Variants in LMX1B observed in about 807,000 individuals in gnomAD.
LMX1B encodes the protein LIM homeobox transcription factor 1 beta, also known as LIM homeobox transcription factor 1-beta.
Under a neutral mutation model 51.4 loss-of-function variants are expected in LMX1B, and 12 were observed. The observed-to-expected ratio is 0.23, with a 90% confidence interval of 0.15 to 0.38. The LOEUF is 0.38. LMX1B is among the 10% of genes least tolerant of loss of function. The pLI is 1.00. For synonymous variants in LMX1B, 237 were observed against 235.4 expected (o/e 1.01, Z -0.06); for missense variants, 445 against 571.1 (o/e 0.78, Z 2.25).
In LMX1B at chr9:126,693,763, G is replaced by A; in HGVS notation, c.837G>A (p.Arg279=). 6.5e-7 allele frequency: 1 copy of A among 1,535,240 alleles called. No individual in the cohort carries two copies. Among genetic ancestry groups the A allele is most frequent in the South Asian group, 1.2e-5 (1 of 84,554 alleles). ...NQRAKMKKLA[R]RHQQQQEQQN... ...CCCTGCAGATGAAGAAGCTGGCGCG[G>A]CGGCACCAGCAGCAGCAGGAGCAGC... Residue 279 remains arginine (R), a synonymous_variant, in exon 6 of 8, where the codon CGG becomes CGA. Transcript: ENST00000373474.
In LMX1B at chr9:126,696,699, T is replaced by G; in HGVS notation, c.*248T>G. The G allele has an allele frequency of 5.4e-6, 3 of 560,130 alleles. No individual in the cohort carries two copies. Among genetic ancestry groups the G allele is most frequent in the Non-Finnish European group, 9.5e-6 (3 of 314,162 alleles). 34.7% of individuals were successfully genotyped at this position (560,130 alleles called of 1,614,324 possible). A position where few individuals can be genotyped will look rare whatever the true frequency, so the allele number is the denominator to read the frequency against. ...TGTCATCCCCAGGGACCCAGAGCTCTCGGACGGCCACTCGCCTCCCAGCCC... is the reference window on the plus strand; with the variant it reads ...TGTCATCCCCAGGGACCCAGAGCTCGCGGACGGCCACTCGCCTCCCAGCCC... On this transcript the variant is annotated 3_prime_UTR_variant, in exon 8 of 8. Transcript: ENST00000373474.
chr9:126,652,192 T>G (rs1836024620), intron 2 of LMX1B, among the ~76,000 whole-genome samples: 1 of 150,564 alleles, frequency 6.6e-6, no homozygotes, highest in South Asian at 2.1e-4. Flanking sequence ...TCACGGTGCC[T>G]GTGATCCTGT....
intron 2 of LMX1B, among the ~76,000 whole-genome samples, chr9:126,639,317 G>A (rs1835768199): frequency 6.6e-6 from 1 of 152,174 alleles, no homozygotes; most frequent in African/African-American, 2.4e-5. Context: ...CGAGGGCTCG[G>A]TAATGGGGCT....
rs1024862899 is a variant in LMX1B, at chr9:126,699,049, T to C, written c.*2598T>C. The C allele has an allele frequency of 2.0e-5, 3 of 152,204 alleles. No homozygotes were observed. Among genetic ancestry groups the C allele is most frequent in the African/African-American group, 7.2e-5 (3 of 41,436 alleles). The allele number at this position is 152,204 out of a possible 1,614,324, so 9.4% of individuals were successfully genotyped here. A position where few individuals can be genotyped will look rare whatever the true frequency, so the allele number is the denominator to read the frequency against. ...TGGAGAGACACCCCTCTTTCTCCTTTTGCACATGCACCATCTGAATCGTGC... is the reference window on the plus strand; with the variant it reads ...TGGAGAGACACCCCTCTTTCTCCTTCTGCACATGCACCATCTGAATCGTGC... On this transcript the variant is annotated 3_prime_UTR_variant, in exon 8 of 8. Coordinates refer to ENST00000373474, the MANE Select transcript of LMX1B (RefSeq NM_001174147.2).
rs541666109 is a variant in LMX1B, at chr9:126,625,877, C to T, written c.326+10308C>T. Among the ~76,000 whole-genome samples, 1 of 152,308 alleles carries T rather than the reference C, an allele frequency of 6.6e-6. No homozygotes were observed. The highest frequency in any genetic ancestry group is 2.1e-4 in the South Asian group (1 of 4,822). ...CCGGCAGGCGCAGCGGGCGCCGAGGCTTGGGCTTTAGCCGTGGCGCTCGCC... is the reference window on the plus strand; with the variant it reads ...CCGGCAGGCGCAGCGGGCGCCGAGGTTTGGGCTTTAGCCGTGGCGCTCGCC... On this transcript the variant is annotated intron_variant, in intron 2 of 7. Coordinates refer to ENST00000373474, the MANE Select transcript of LMX1B (RefSeq NM_001174147.2). The surrounding 1 kb of genome is among the most constrained non-coding windows in gnomAD (Gnocchi z 5.3).
chr9:126,619,328 G>A (rs1240058110), intron 2 of LMX1B, among the ~76,000 whole-genome samples: 1 of 152,160 alleles, frequency 6.6e-6, no homozygotes, highest in Non-Finnish European at 1.5e-5. Flanking sequence ...GTGGCCCAGG[G>A]GGAGAGCAGT....
chr9:126,674,071 G>A (rs1836510098), intron 2 of LMX1B, among the ~76,000 whole-genome samples: 1 of 152,042 alleles, frequency 6.6e-6, no homozygotes, highest in Non-Finnish European at 1.5e-5. Context: ...CCAGAAGGTG[G>A]TCCTGGCTGT....
intron 2 of LMX1B, among the ~76,000 whole-genome samples, chr9:126,637,010 G>A (rs1209179845): frequency 1.3e-5 from 2 of 152,218 alleles, no homozygotes; most frequent in African/African-American, 2.4e-5. Context: ...GGCCTGGTCT[G>A]GACTGGCCCA....
chr9:126,636,256 A>T (rs1835711479), intron 2 of LMX1B, among the ~76,000 whole-genome samples: 1 of 152,270 alleles, frequency 6.6e-6, no homozygotes, highest in Middle Eastern at 3.4e-3. Flanking sequence ...TGGAGAGAAC[A>T]CAGGGCATTG....
intron 2 of LMX1B, among the ~76,000 whole-genome samples, chr9:126,675,263 C>A (rs1055487010): frequency 2.6e-5 from 4 of 152,108 alleles, no homozygotes; most frequent in African/African-American, 9.7e-5. Context: ...ATGTGTGATA[C>A]GTCTCTGGAG....
chr9:126,665,446 G>A (rs1200423315), intron 2 of LMX1B, among the ~76,000 whole-genome samples: 3 of 152,390 alleles, frequency 2.0e-5, no homozygotes, highest in East Asian at 3.9e-4. Flanking sequence ...GCAGTATTGA[G>A]TATTTACTGA....
At chr9:126,629,307 C>G (rs1272799820) in intron 2 of LMX1B, among the ~76,000 whole-genome samples, 1 of 152,196 alleles carries the variant, frequency 6.6e-6, no homozygotes. Flanking sequence ...GGAGCATGCA[C>G]GACAGCAGCA....
At position 126,616,616 on chromosome 9, in the gene LMX1B, A is replaced by G. The variant is rs528300517; in HGVS notation, c.326+1047A>G. ...TCCTGGATGAGGCTGCAGAGCGGGT[A>G]GGCTGCTTAGGTGGTTTGGTGCTCA... On this transcript the variant is annotated intron_variant, in intron 2 of 7. Coordinates refer to ENST00000373474, the MANE Select transcript of LMX1B (RefSeq NM_001174147.2). 8.5e-5 allele frequency among the ~76,000 whole-genome samples: 13 copies of G among 152,320 alleles called. 1 individual carries two copies. Among genetic ancestry groups the G allele is most frequent in the African/African-American group, 2.2e-4 (9 of 41,572 alleles).
At chr9:126,634,850 G>A (rs909639631) in intron 2 of LMX1B, among the ~76,000 whole-genome samples, 4 of 152,136 alleles carry the variant, frequency 2.6e-5, no homozygotes, top group African/African-American at 9.7e-5. Flanking sequence ...AAGGGGAGGA[G>A]GAGGGCTTTG....
intron 2 of LMX1B, among the ~76,000 whole-genome samples, chr9:126,665,878 G>A (rs983341802): frequency 3.3e-5 from 5 of 152,242 alleles, no homozygotes; most frequent in African/African-American, 7.2e-5. Flanking sequence ...GGCCCTCCCC[G>A]AGGGCTACAC....
chr9:126,690,746 A>AG, intron 2 of LMX1B, 90 bp from the exon 3 acceptor site: 1 of 1,133,486 alleles, frequency 8.8e-7, no homozygotes, highest in Non-Finnish European at 1.3e-6. Flanking sequence ...CCTGAGGGTC[A>AG]GGGTGGCAAG....
In LMX1B at chr9:126,673,441, G is replaced by A. The variant is rs1836497025; in HGVS notation, c.327-17395G>A. 6.6e-6 allele frequency among the ~76,000 whole-genome samples: 1 copy of A among 152,150 alleles called. No homozygotes were observed. The highest frequency in any genetic ancestry group is 6.5e-5 in the Admixed American group (1 of 15,276). On this transcript the variant is annotated intron_variant, in intron 2 of 7. Transcript: ENST00000373474. The surrounding 1 kb of genome is among the most constrained non-coding windows in gnomAD (Gnocchi z 4.4). ...GGAGGCCAGTGGGGTCAAGCTCAGG[G>A]ACCAGTGTAGAAAGAGGCTAACCCA... is the stretch of plus-strand genomic sequence containing the variant.
intron 2 of LMX1B, among the ~76,000 whole-genome samples, chr9:126,647,317 C>G (rs1472566414): frequency 1.3e-5 from 2 of 152,208 alleles, no homozygotes; most frequent in Non-Finnish European, 2.9e-5. Context: ...AAGATAAACT[C>G]CCTTAGAAGG....
chr9:126,691,088 G>A lies in LMX1B; in HGVS notation c.559+20G>A, dbSNP rs76196383. Reference sequence around the variant, plus strand: ...ACTCCGGTGAGGCCTGGCCTGAGCTGGGGGCAGGCCTCAGGGACGGGGGTT... The same window carrying A: ...ACTCCGGTGAGGCCTGGCCTGAGCTAGGGGCAGGCCTCAGGGACGGGGGTT... On this transcript the variant is annotated intron_variant, in intron 3 of 7. Coordinates refer to ENST00000373474, the MANE Select transcript of LMX1B (RefSeq NM_001174147.2). The A allele has an allele frequency of 5.1e-3, 8,063 of 1,577,490 alleles. 347 individuals are homozygous for A. In the African/African-American group the frequency reaches 0.096, roughly 19 times the overall value.
Sources: allele counts gnomAD v4.1 joint callset (sites outside exome capture counted in the v4.1 genomes callset), GRCh38; gene constraint gnomAD v4.1.1; non-coding constraint Gnocchi (gnomAD v3.1); transcripts MANE v1.5; gene names NCBI Gene and HGNC (gene_info 2026-07-23, HGNC 2026-07-21).